The following EFHD2 variants were observed in gnomAD, a reference collection of about 807,000 sequenced individuals.
The protein encoded by EFHD2 is EF-hand domain family member D2, also known as EF-hand domain-containing protein D2.
A neutral mutation model predicts 20.3 loss-of-function variants in EFHD2; 12 were observed. The ratio of observed to expected loss-of-function variants is 0.59; its 90% CI spans 0.38 to 0.96. The LOEUF (loss-of-function observed/expected upper bound fraction) is 0.96, where lower values mean the gene tolerates loss of function less well. Ranked by LOEUF, EFHD2 falls within the 40% of genes least tolerant of loss-of-function variation. The pLI is 0.00. For synonymous variants in EFHD2, 131 were observed against 143.9 expected (o/e 0.91, Z 0.64); for missense variants, 250 against 334.3 (o/e 0.75, Z 1.97).
intron 1 of EFHD2, among the ~76,000 whole-genome samples, chr1:15,411,862 G>A (rs925470321): frequency 1.3e-5 from 2 of 152,170 alleles, no homozygotes; most frequent in African/African-American, 2.4e-5. Context: ...AGGAAGGGGC[G>A]TTTTGCAACT....
intron 1 of EFHD2, among the ~76,000 whole-genome samples, chr1:15,418,824 A>G (rs1365401824): frequency 6.7e-6 from 1 of 148,552 alleles, no homozygotes; most frequent in Non-Finnish European, 1.5e-5. Context: ...TTAAGAGTGC[A>G]TGTGTTTGAT....
chr1:15,421,244 T>C (rs1707785303), intron 1 of EFHD2, among the ~76,000 whole-genome samples: 1 of 152,130 alleles, frequency 6.6e-6, no homozygotes, highest in South Asian at 2.1e-4. Flanking sequence ...CCACAAACCC[T>C]CAAGGCCATC....
At chr1:15,411,747 G>T (rs1380038123) in intron 1 of EFHD2, among the ~76,000 whole-genome samples, 1 of 152,208 alleles carries the variant, frequency 6.6e-6, no homozygotes, top group Non-Finnish European at 1.5e-5. Flanking sequence ...GGAGGGATGC[G>T]GCAAGGCCGG....
chr1:15,411,442 T>G (rs1707511562), intron 1 of EFHD2, among the ~76,000 whole-genome samples: 1 of 152,072 alleles, frequency 6.6e-6, no homozygotes, highest in African/African-American at 2.4e-5. Flanking sequence ...CCCAGCTCCC[T>G]CCGGCCCATC....
rs1409224780 is a variant in EFHD2, at chr1:15,418,524, C to G, written c.309-7347C>G. Among the ~76,000 whole-genome samples, 10 of 151,822 alleles carry G rather than the reference C, an allele frequency of 6.6e-5. No individual in the cohort carries two copies. In the South Asian group the frequency reaches 8.3e-4, roughly 13 times the overall value. ...GTTTCACCGTGTTAGCCAGGATGGTCTCAATCTCCTGACCTTGTGATCCGC... is the reference window on the plus strand; with the variant it reads ...GTTTCACCGTGTTAGCCAGGATGGTGTCAATCTCCTGACCTTGTGATCCGC... On this transcript the variant is annotated intron_variant, in intron 1 of 3. Coordinates refer to ENST00000375980, the MANE Select transcript of EFHD2 (RefSeq NM_024329.6).
intron 1 of EFHD2, among the ~76,000 whole-genome samples, chr1:15,412,403 G>A (rs1331050093): frequency 6.6e-6 from 1 of 152,190 alleles, no homozygotes; most frequent in Non-Finnish European, 1.5e-5. Context: ...GACAAAGGGT[G>A]TTAAATAACT....
intron 3 of EFHD2, 150 bp downstream of exon 3, chr1:15,427,434 C>T: frequency 4.3e-6 from 6 of 1,404,896 alleles, no homozygotes; most frequent in Non-Finnish European, 5.7e-6. Context: ...GGCCCACACG[C>T]TCTGTCTTCT....
intron 1 of EFHD2, among the ~76,000 whole-genome samples, chr1:15,418,518 G>A (rs1424941087): frequency 1.4e-5 from 2 of 146,688 alleles, no homozygotes; most frequent in African/African-American, 2.5e-5. Context: ...TGTTAGCCAG[G>A]ATGGTCTCAA....
intron 1 of EFHD2, among the ~76,000 whole-genome samples, chr1:15,416,976 ATT>A (rs765405291): frequency 6.6e-6 from 1 of 151,588 alleles, no homozygotes; most frequent in Non-Finnish European, 1.5e-5. Context: ...CATCCAGCTA[ATT>A]TTTTTTTATT....
In EFHD2 at chr1:15,426,427, G is replaced by A. The variant is rs556900473; in HGVS notation, c.456+409G>A. On this transcript the variant is annotated intron_variant, in intron 2 of 3. Transcript: ENST00000375980. This position sits in a 1 kb window ranked among gnomAD's most constrained non-coding sequence, Gnocchi z 4.6. Reference sequence around the variant, plus strand: ...GGGCCACGGCACTGGGTGACTTCACGCCCAGGATCTCACTCCGAGACAGGA... The same window carrying A: ...GGGCCACGGCACTGGGTGACTTCACACCCAGGATCTCACTCCGAGACAGGA... 1.3e-5 allele frequency among the ~76,000 whole-genome samples: 2 copies of A among 152,152 alleles called. No homozygotes were observed. The highest frequency in any genetic ancestry group is 6.5e-5 in the Admixed American group (1 of 15,284).
At position 15,413,833 on chromosome 1, in the gene EFHD2, G is replaced by A. The variant is rs541202943; in HGVS notation, c.308+3554G>A. 2.6e-5 allele frequency among the ~76,000 whole-genome samples: 4 copies of A among 152,324 alleles called. No individual in the cohort carries two copies. The highest frequency in any genetic ancestry group is 4.4e-5 in the Non-Finnish European group (3 of 68,026). On this transcript the variant is annotated intron_variant, in intron 1 of 3. Coordinates refer to ENST00000375980, the MANE Select transcript of EFHD2 (RefSeq NM_024329.6). The surrounding 1 kb of genome is among the most constrained non-coding windows in gnomAD (Gnocchi z 4.4). ...CACTTAGAGTTCTGGGCCAGTGCCA[G>A]GCACAAGGAGGCTCTGCGTCTCCCT...
intron 1 of EFHD2, among the ~76,000 whole-genome samples, chr1:15,422,419 C>G (rs945024607): frequency 1.6e-4 from 24 of 151,962 alleles, no homozygotes; most frequent in Admixed American, 6.6e-5. Context: ...GGTGGGGCCA[C>G]CCTATGCGCT....
chr1:15,415,013 T>C (rs895076576), intron 1 of EFHD2, among the ~76,000 whole-genome samples: 2 of 152,098 alleles, frequency 1.3e-5, no homozygotes, highest in African/African-American at 4.8e-5. Context: ...TTCTGAGGAT[T>C]AGGTATAAAA....
At position 15,429,474 on chromosome 1, in the gene EFHD2, G is replaced by T. The variant is rs1253868704; in HGVS notation, c.*750G>T. 6.6e-6 allele frequency: 1 copy of T among 152,488 alleles called. No homozygotes were observed. The highest frequency in any genetic ancestry group is 2.4e-5 in the African/African-American group (1 of 41,372). The allele number at this position is 152,488 out of a possible 1,614,324, so 9.4% of individuals were successfully genotyped here. ...TGCCGGGCATGCCGTGGGATCATGG[G>T]CAGGGAAGGCTCTGGGGGTCGGAGA... On this transcript the variant is annotated 3_prime_UTR_variant, in exon 4 of 4. Transcript: ENST00000375980.
At position 15,410,244 on chromosome 1, in the gene EFHD2, G is replaced by A; in HGVS notation, c.273G>A (p.Arg91=). Residue 91 remains arginine (R), a synonymous_variant, in exon 1 of 4, where the codon AGG becomes AGA. Transcript: ENST00000375980. ...NPYTEFKEFS[R]KQIKDMEKMF... ...ACACCGAGTTCAAGGAGTTCTCCAG[G>A]AAGCAGATCAAGGACATGGAGAAGA... 1 of 1,605,878 alleles carries A rather than the reference G, an allele frequency of 6.2e-7. No individual in the cohort carries two copies. The highest frequency in any genetic ancestry group is 8.5e-7 in the Non-Finnish European group (1 of 1,176,916).
chr1:15,418,553 C>T (rs1167138012), intron 1 of EFHD2, among the ~76,000 whole-genome samples: 1 of 152,190 alleles, frequency 6.6e-6, no homozygotes, highest in East Asian at 1.9e-4. Context: ...GATCCGCCCG[C>T]CTTGGCCTCC....
chr1:15,422,085 ATTTTT>A (rs71000400), intron 1 of EFHD2, among the ~76,000 whole-genome samples: 3 of 86,638 alleles, frequency 3.5e-5, no homozygotes, highest in African/African-American at 1.4e-4. Flanking sequence ...AGGTCATTCC[ATTTTT>A]TTTTTTTTTT....
chr1:15,424,171 C>A (rs1036070930), intron 1 of EFHD2, among the ~76,000 whole-genome samples: 4 of 151,618 alleles, frequency 2.6e-5, no homozygotes, highest in African/African-American at 9.7e-5. Context: ...GAGCAACACC[C>A]CGTCTCAAAA....
chr1:15,412,202 G>A (rs912951387), intron 1 of EFHD2, among the ~76,000 whole-genome samples: 3 of 151,964 alleles, frequency 2.0e-5, no homozygotes, highest in Non-Finnish European at 2.9e-5. Context: ...CAGGATTCCT[G>A]GAAGAGTAAC....
Sources: allele counts gnomAD v4.1 joint callset (sites outside exome capture counted in the v4.1 genomes callset), GRCh38; gene constraint gnomAD v4.1.1; non-coding constraint Gnocchi (gnomAD v3.1); transcripts MANE v1.5; gene names NCBI Gene and HGNC (gene_info 2026-07-23, HGNC 2026-07-21).